Variants in EXOC8 observed in about 807,000 individuals in gnomAD.
The protein encoded by EXOC8 is exocyst complex 84 kDa subunit.
EXOC8 carries 19 observed loss-of-function variants against 50.8 expected under a neutral mutation model. That is an observed-to-expected ratio of 0.37 (90% CI 0.26 to 0.55). The LOEUF (loss-of-function observed/expected upper bound fraction) is 0.55. Ranked by LOEUF, EXOC8 falls within the 20% of genes least tolerant of loss-of-function variation. The probability of loss-of-function intolerance (pLI) is 0.80; values close to 1 mark genes in which losing one functional copy is unlikely to be tolerated. For missense variants in EXOC8, 781 were observed against 915.8 expected (o/e 0.85, Z 1.90); for synonymous variants, 384 against 367.9 (o/e 1.04, Z -0.50).
Position 231,337,309 on chromosome 1 carries a change from G to A in EXOC8, c.437C>T (p.Ala146Val). 1 of 1,603,364 alleles carries A rather than the reference G, an allele frequency of 6.2e-7. No individual in the cohort carries two copies. Among genetic ancestry groups the A allele is most frequent in the South Asian group, 1.1e-5 (1 of 91,072 alleles). ...GCCTGGACCGGAGCCGTCGCGGGAGGCACCCCCGGGGGTGGAGAAAAAGCC... is the reference window on the plus strand; with the variant it reads ...GCCTGGACCGGAGCCGTCGCGGGAGACACCCCCGGGGGTGGAGAAAAAGCC... ...QAGFFSTPGG[A>V]SRDGSGPGEE... is the part of the protein sequence containing the mutation. Residue 146 changes from alanine (A) to valine (V), a missense_variant, in exon 1 of 1, where the codon GCC becomes GTC. Coordinates refer to ENST00000366645, the MANE Select transcript of EXOC8 (RefSeq NM_175876.5). This position sits in a 1 kb window ranked among gnomAD's most constrained non-coding sequence, Gnocchi z 5.9.
rs1406131886 is a variant in EXOC8 at position 231,333,659 on chromosome 1, C to T, written c.*1909G>A. The T allele has an allele frequency of 1.3e-5, 2 of 152,582 alleles. No individual in the cohort carries two copies. Among genetic ancestry groups the T allele is most frequent in the African/African-American group, 4.8e-5 (2 of 41,436 alleles). 9.5% of individuals were successfully genotyped at this position (152,582 alleles called of 1,614,324 possible). On this transcript the variant is annotated 3_prime_UTR_variant, in exon 1 of 1. Coordinates refer to ENST00000366645, the MANE Select transcript of EXOC8 (RefSeq NM_175876.5). ...AAAAGACAAATTATAACCGCCTTTG[C>T]TCAGCTAAGATATCCAGTTATGGTT...
In EXOC8 at chr1:231,335,660, C is replaced by G. The variant is rs1686649321; in HGVS notation, c.2086G>C (p.Gly696Arg). The G allele has an allele frequency of 6.2e-7, 1 of 1,614,086 alleles. No individual in the cohort carries two copies. The highest frequency in any genetic ancestry group is 8.5e-7 in the Non-Finnish European group (1 of 1,180,042). ...AGTTGCTTGGCAGGTTTCCCCACACCTTCTTCAAACCTTTTCTCCACCACA... is the reference window on the plus strand; with the variant it reads ...AGTTGCTTGGCAGGTTTCCCCACACGTTCTTCAAACCTTTTCTCCACCACA... ...LPVVEKRFEE[G>R]VGKPAKQLQD... Residue 696 changes from glycine (G) to arginine (R), a missense_variant, in exon 1 of 1, where the codon GGT becomes CGT. By Grantham distance (125) the Gly-to-Arg change is moderately radical. Coordinates refer to ENST00000366645, the MANE Select transcript of EXOC8 (RefSeq NM_175876.5).
rs948492040 is a variant in EXOC8 at position 231,337,741 on chromosome 1, G to A, written c.5C>T (p.Ala2Val). 6.3e-7 allele frequency: 1 copy of A among 1,594,904 alleles called. No individual in the cohort carries two copies. M[A>V]MAMSDSGASR... is the part of the protein sequence containing the mutation. The stretch of plus-strand genomic sequence containing the variant: ...CGCCCCACTGTCCGACATCGCCATC[G>A]CCATTTCTCTCCGGGTCTCACGCAC... Residue 2 changes from alanine to valine, a missense_variant, in exon 1 of 1, where the codon GCG (alanine) becomes GTG (valine). By Grantham distance (64) the Ala-to-Val change is moderately conservative. Coordinates refer to ENST00000366645, the MANE Select transcript of EXOC8 (RefSeq NM_175876.5). This position sits in a 1 kb window ranked among gnomAD's most constrained non-coding sequence, Gnocchi z 5.9.
Position 231,336,836 on chromosome 1 carries a change from C to T in EXOC8, c.910G>A (p.Val304Met). The change falls in exon 1 of 1, where the codon GTG (valine) becomes ATG (methionine). Residue 304 changes from valine (V) to methionine (M), a missense_variant. By Grantham distance (21) the Val-to-Met change is conservative. Transcript: ENST00000366645. The surrounding 1 kb of genome is among the most constrained non-coding windows in gnomAD (Gnocchi z 5.4). The stretch of plus-strand genomic sequence containing the variant: ...AATGGGTTAGTGGCCTTGGAAGTCA[C>T]TTGGGGTGGCCCTCGAGGGGCCGCT... The part of the protein sequence containing the change: ...EAAAPRGPPQ[V>M]TSKATNPFED... 4 of 1,614,174 alleles carry T rather than the reference C, an allele frequency of 2.5e-6. No individual in the cohort carries two copies. The highest frequency in any genetic ancestry group is 3.4e-6 in the Non-Finnish European group (4 of 1,180,038).
chr1:231,337,614 G>A lies in EXOC8; in HGVS notation c.132C>T (p.His44=), dbSNP rs749019865. ...QSDGDRDLQE[H]RQRIQALAEE... ...CCGCCAGCGCCTGGATGCGCTGCCG[G>A]TGCTCCTGGAGGTCCCGGTCCCCAT... The change falls in exon 1 of 1, where the codon CAC becomes CAT. Residue 44 remains histidine (H), a synonymous_variant. Transcript: ENST00000366645. This position sits in a 1 kb window ranked among gnomAD's most constrained non-coding sequence, Gnocchi z 5.9. 7 of 1,611,920 alleles carry A rather than the reference G, an allele frequency of 4.3e-6. No homozygotes were observed. In the African/African-American group the frequency reaches 6.7e-5, roughly 15 times the overall value.
Position 231,334,633 on chromosome 1 carries a change from A to T in EXOC8, c.*935T>A, listed in dbSNP as rs1686626362. Reference sequence around the variant, plus strand: ...TATAGTCCTTAGGATTTCCAAGTAAATGCTCCCAAATCAAGTATTACAAAG... The same window carrying T: ...TATAGTCCTTAGGATTTCCAAGTAATTGCTCCCAAATCAAGTATTACAAAG... On this transcript the variant is annotated 3_prime_UTR_variant, in exon 1 of 1. Coordinates refer to ENST00000366645, the MANE Select transcript of EXOC8 (RefSeq NM_175876.5). 1 of 152,256 alleles carries T rather than the reference A, an allele frequency of 6.6e-6. No homozygotes were observed. The highest frequency in any genetic ancestry group is 2.1e-4 in the South Asian group (1 of 4,838). The allele number at this position is 152,256 out of a possible 1,614,324, so 9.4% of individuals were successfully genotyped here.
In EXOC8 at chr1:231,336,487, C is replaced by T. The variant is rs1271731249; in HGVS notation, c.1259G>A (p.Arg420Gln). 6.2e-7 allele frequency: 1 copy of T among 1,613,700 alleles called. No homozygotes were observed. Among genetic ancestry groups the T allele is most frequent in the Non-Finnish European group, 8.5e-7 (1 of 1,179,798 alleles). Residue 420 changes from arginine to glutamine, a missense_variant, in exon 1 of 1, where the codon CGG becomes CAG. This residue lies in a region of EXOC8 where 700 missense variants were observed against 804.1 expected (regional missense o/e 0.87). Transcript: ENST00000366645. The surrounding 1 kb of genome is among the most constrained non-coding windows in gnomAD (Gnocchi z 5.4). ...ATRRAVSQLI[R>Q]LGQCTKACEL... Reference sequence around the variant, plus strand: ...ACAGGCCTTCGTGCACTGGCCCAGCCGGATCAGTTGCGAAACTGCTCTGCG... The same window carrying T: ...ACAGGCCTTCGTGCACTGGCCCAGCTGGATCAGTTGCGAAACTGCTCTGCG...
In EXOC8 at chr1:231,337,469, C is replaced by G. The variant is rs762639382; in HGVS notation, c.277G>C (p.Glu93Gln). ...EMYQLSHLLT[E>Q]QKSSLESIPL... ...ATGCTCTCCAGGCTGCTTTTCTGCT[C>G]GGTCAGCAAATGGCTGAGCTGGTAC... Residue 93 changes from glutamate (E) to glutamine (Q), a missense_variant, in exon 1 of 1, where the codon GAG (glutamate) becomes CAG (glutamine). Physicochemically the swap from Glu to Gln is conservative, Grantham distance 29. This residue lies in a region of EXOC8 where 700 missense variants were observed against 804.1 expected (regional missense o/e 0.87). Coordinates refer to ENST00000366645, the MANE Select transcript of EXOC8 (RefSeq NM_175876.5). The surrounding 1 kb of genome is among the most constrained non-coding windows in gnomAD (Gnocchi z 5.9). 1.2e-6 allele frequency: 2 copies of G among 1,613,098 alleles called. No homozygotes were observed. The highest frequency in any genetic ancestry group is 1.7e-6 in the Non-Finnish European group (2 of 1,179,980).
chr1:231,335,927 C>G lies in EXOC8; in HGVS notation c.1819G>C (p.Asp607His), dbSNP rs75215445. 2,807 of 1,614,190 alleles carry G rather than the reference C, an allele frequency of 1.7e-3. 7 individuals are homozygous for G. Among genetic ancestry groups the G allele is most frequent in the Non-Finnish European group, 2.3e-3 (2,668 of 1,180,038 alleles). The change falls in exon 1 of 1, where the codon GAT becomes CAT. Residue 607 changes from aspartate (D) to histidine (H), a missense_variant. Physicochemically the swap from Asp to His is moderately conservative, Grantham distance 81. Coordinates refer to ENST00000366645, the MANE Select transcript of EXOC8 (RefSeq NM_175876.5). ...TAACTTAGGTTCACCCAGCAGTCAT[C>G]CCCTGTGTACTGCTCAAAGTTACTT... is the stretch of plus-strand genomic sequence containing the variant. Reference protein sequence around the residue: ...GVSNFEQYTGDDCWVNLSYTV... With the variant: ...GVSNFEQYTGHDCWVNLSYTV...
rs1189293918 is a variant in EXOC8, at chr1:231,337,407, T to C, written c.339A>G (p.Gly113=). The part of the protein sequence containing the change: ...LTLLPAAAAA[G]AAAASGGEEG... ...CCTCCCCTCCAGAGGCGGCGGCGGC[T>C]CCGGCGGCAGCAGCGGCAGGCAGCA... Residue 113 remains glycine (G), a synonymous_variant, in exon 1 of 1, where the codon GGA becomes GGG. Transcript: ENST00000366645. This position sits in a 1 kb window ranked among gnomAD's most constrained non-coding sequence, Gnocchi z 5.9. 2 of 1,605,290 alleles carry C rather than the reference T, an allele frequency of 1.2e-6. No individual in the cohort carries two copies. The highest frequency in any genetic ancestry group is 1.3e-5 in the African/African-American group (1 of 74,968).
chr1:231,336,142 A>G lies in EXOC8; in HGVS notation c.1604T>C (p.Ile535Thr), dbSNP rs141091711. ...AKEHCQQLGDIGLDLTFIIHA... is the reference protein window; with the variant it reads ...AKEHCQQLGDTGLDLTFIIHA... ...GATGATGAAGGTGAGATCCAGTCCGATATCACCCAGTTGCTGGCAATGCTC... is the reference window on the plus strand; with the variant it reads ...GATGATGAAGGTGAGATCCAGTCCGGTATCACCCAGTTGCTGGCAATGCTC... Residue 535 changes from isoleucine to threonine, a missense_variant, in exon 1 of 1, where the codon ATC (isoleucine) becomes ACC (threonine). Around this residue, in one of 3 missense-constraint regions of EXOC8, gnomAD observed 700 missense variants for 804.1 expected, o/e 0.87. Transcript: ENST00000366645. The surrounding 1 kb of genome is among the most constrained non-coding windows in gnomAD (Gnocchi z 5.4). The G allele has an allele frequency of 2.5e-5, 40 of 1,614,048 alleles. No individual in the cohort carries two copies. The highest frequency in any genetic ancestry group is 3.2e-5 in the Non-Finnish European group (38 of 1,180,038).
At position 231,337,258 on chromosome 1, in the gene EXOC8, G is replaced by GC; in HGVS notation, c.487_488insG (p.Thr163SerfsTer5). 6.2e-7 allele frequency: 1 copy of GC among 1,610,536 alleles called. No homozygotes were observed. The highest frequency in any genetic ancestry group is 8.5e-7 in the Non-Finnish European group (1 of 1,179,994). On this transcript the variant is annotated frameshift_variant, in exon 1 of 1. Transcript: ENST00000366645. LOFTEE classifies it high-confidence loss of function. This position sits in a 1 kb window ranked among gnomAD's most constrained non-coding sequence, Gnocchi z 5.9. Reference sequence around the variant, plus strand: ...GCCTTCCACCTTCTCAAGCAGGGTGGTGAGAGTGCGCTGCTTTCCTTCCTC... The same window carrying GC: ...GCCTTCCACCTTCTCAAGCAGGGTGGCTGAGAGTGCGCTGCTTTCCTTCCTC...
chr1:231,333,202 AAACAG>A lies in EXOC8; in HGVS notation c.*2361_*2365del, dbSNP rs1398909442. Reference sequence around the variant, plus strand: ...TTTAGAACTTGTCTTGGGTCTAATAAAACAGAAGAATTAGAGAAGAAAGCCCATGC... The same window carrying A: ...TTTAGAACTTGTCTTGGGTCTAATAAAAGAATTAGAGAAGAAAGCCCATGC... On this transcript the variant is annotated 3_prime_UTR_variant, in exon 1 of 1. Coordinates refer to ENST00000366645, the MANE Select transcript of EXOC8 (RefSeq NM_175876.5). 6.6e-6 allele frequency: 1 copy of A among 152,202 alleles called. No homozygotes were observed. The highest frequency in any genetic ancestry group is 1.5e-5 in the Non-Finnish European group (1 of 68,030). The allele number at this position is 152,202 out of a possible 1,614,324, so 9.4% of individuals were successfully genotyped here. A position where few individuals can be genotyped will look rare whatever the true frequency, so the allele number is the denominator to read the frequency against.
Position 231,335,233 on chromosome 1 carries a change from CT to C in EXOC8, c.*334del, listed in dbSNP as rs967229540. 1 of 156,148 alleles carries C rather than the reference CT, an allele frequency of 6.4e-6. No individual in the cohort carries two copies. The highest frequency in any genetic ancestry group is 1.4e-5 in the Non-Finnish European group (1 of 72,266). The allele number at this position is 156,148 out of a possible 1,614,324, so 9.7% of individuals were successfully genotyped here. A position where few individuals can be genotyped will look rare whatever the true frequency, so the allele number is the denominator to read the frequency against. ...CCAGCCTGTGCGACGGGGTGAGACC[CT>C]GTCTCAAAAAAAAAAAAGAAAAAAG... On this transcript the variant is annotated 3_prime_UTR_variant, in exon 1 of 1. Transcript: ENST00000366645.
In EXOC8 at chr1:231,336,445, T is replaced by G. The variant is rs772658865; in HGVS notation, c.1301A>C (p.Asn434Thr). 1 of 1,613,864 alleles carries G rather than the reference T, an allele frequency of 6.2e-7. No homozygotes were observed. Among genetic ancestry groups the G allele is most frequent in the South Asian group, 1.1e-5 (1 of 91,056 alleles). Residue 434 changes from asparagine (N) to threonine (T), a missense_variant, in exon 1 of 1, where the codon AAC becomes ACC. This residue lies in a region of EXOC8 where 700 missense variants were observed against 804.1 expected (regional missense o/e 0.87). Coordinates refer to ENST00000366645, the MANE Select transcript of EXOC8 (RefSeq NM_175876.5). The surrounding 1 kb of genome is among the most constrained non-coding windows in gnomAD (Gnocchi z 5.4). Reference protein sequence around the residue: ...CTKACELFLRNRAAAVHTAIR... With the variant: ...CTKACELFLRTRAAAVHTAIR... The stretch of plus-strand genomic sequence containing the variant: ...TGCAGTATGAACAGCGGCTGCCCTG[T>G]TTCTCAAAAATAGCTCACAGGCCTT...
chr1:231,335,942 CAA>C lies in EXOC8; in HGVS notation c.1802_1803del (p.Phe601Ter), dbSNP rs1686661836. 4.3e-6 allele frequency: 7 copies of C among 1,614,194 alleles called. No homozygotes were observed. The highest frequency in any genetic ancestry group is 1.3e-5 in the African/African-American group (1 of 75,050). On this transcript the variant is annotated frameshift_variant, in exon 1 of 1. Transcript: ENST00000366645. LOFTEE classifies it high-confidence loss of function. The part of the protein sequence containing the change: ...EEMKSCGVSN[F>X]EQYTGDDCWV... ...CAGCAGTCATCCCCTGTGTACTGCT[CAA>C]AGTTACTTACCCCACAACTTTTCAT...
In EXOC8 at chr1:231,336,678, C is replaced by A. The variant is rs374382054; in HGVS notation, c.1068G>T (p.Ala356=). The change falls in exon 1 of 1, where the codon GCG becomes GCT. Residue 356 remains alanine (A), a synonymous_variant. Coordinates refer to ENST00000366645, the MANE Select transcript of EXOC8 (RefSeq NM_175876.5). The surrounding 1 kb of genome is among the most constrained non-coding windows in gnomAD (Gnocchi z 5.4). Reference sequence around the variant, plus strand: ...GGTTCAATTTATCCAGCAGGTCAACCGCCCCTTCAAAGTCTCTCTGCGCAA... The same window carrying A: ...GGTTCAATTTATCCAGCAGGTCAACAGCCCCTTCAAAGTCTCTCTGCGCAA... ...VCIAQRDFEG[A]VDLLDKLNHY... is the part of the protein sequence containing the mutation. 1.9e-6 allele frequency: 3 copies of A among 1,614,052 alleles called. No homozygotes were observed. The highest frequency in any genetic ancestry group is 2.5e-6 in the Non-Finnish European group (3 of 1,180,036).
chr1:231,337,049 G>C lies in EXOC8; in HGVS notation c.697C>G (p.Leu233Val). The C allele has an allele frequency of 1.2e-6, 2 of 1,614,106 alleles. No homozygotes were observed. Among genetic ancestry groups the C allele is most frequent in the Non-Finnish European group, 1.7e-6 (2 of 1,180,030 alleles). The change falls in exon 1 of 1, where the codon CTA becomes GTA. Residue 233 changes from leucine (L) to valine (V), a missense_variant. This residue lies in a region of EXOC8 where 700 missense variants were observed against 804.1 expected (regional missense o/e 0.87). Coordinates refer to ENST00000366645, the MANE Select transcript of EXOC8 (RefSeq NM_175876.5). This position sits in a 1 kb window ranked among gnomAD's most constrained non-coding sequence, Gnocchi z 5.9. ...GMYRYNALYS[L>V]DGLAVVNVKD... is the part of the protein sequence containing the mutation. Reference sequence around the variant, plus strand: ...ACATTGACTACGGCCAAACCATCTAGGGAATAGAGAGCGTTGTAGCGATAC... The same window carrying C: ...ACATTGACTACGGCCAAACCATCTACGGAATAGAGAGCGTTGTAGCGATAC...
Position 231,337,836 on chromosome 1 carries a change from G to T in EXOC8, c.-91C>A, listed in dbSNP as rs1323542003. The T allele has an allele frequency of 3.4e-6, 5 of 1,474,142 alleles. No homozygotes were observed. Among genetic ancestry groups the T allele is most frequent in the Non-Finnish European group, 4.5e-6 (5 of 1,101,352 alleles). 91.3% of individuals were successfully genotyped at this position (1,474,142 alleles called of 1,614,324 possible). A position where few individuals can be genotyped will look rare whatever the true frequency, so the allele number is the denominator to read the frequency against. On this transcript the variant is annotated 5_prime_UTR_variant, in exon 1 of 1. Coordinates refer to ENST00000366645, the MANE Select transcript of EXOC8 (RefSeq NM_175876.5). This position sits in a 1 kb window ranked among gnomAD's most constrained non-coding sequence, Gnocchi z 5.9. ...CACCCAAGGCCAACCGAGCTCCTGG[G>T]CTGAGGAAGCAGGAATGGGAACGAG...
Sources: gnomAD v4.1 joint callset for allele counts on GRCh38, gnomAD v4.1.1 for gene constraint, gnomAD v4.1.1 regional missense constraint, Gnocchi (gnomAD v3.1) non-coding constraint, MANE v1.5 for transcripts, NCBI Gene and HGNC (gene_info 2026-07-23, HGNC 2026-07-21) for gene names.